The following IFT57 variants were observed in gnomAD, a reference collection of about 807,000 sequenced individuals.
IFT57 encodes intraflagellar transport protein 57 homolog.
In IFT57, 59 loss-of-function variants were observed where a neutral mutation model predicts 56.8. That is an observed-to-expected ratio of 1.04 (90% CI 0.84 to 1.29). The LOEUF (loss-of-function observed/expected upper bound fraction) is 1.29. Ranked by LOEUF, IFT57 falls within the 50% of genes most tolerant of loss-of-function variation. The pLI, the probability that IFT57 is intolerant of heterozygous loss-of-function variation, is 0.00. For missense variants in IFT57, 470 were observed against 522.1 expected, an observed-to-expected ratio of 0.90 and a Z score of 0.97; for synonymous variants, 209 against 186.1, an observed-to-expected ratio of 1.12 and a Z score of -1.00.
At chr3:108,185,412 C>T (rs192367214) in intron 6 of IFT57, among the ~76,000 whole-genome samples, 55 of 152,102 alleles carry the variant, frequency 3.6e-4, no homozygotes, top group Non-Finnish European at 1.0e-4. Context: ...AAGATGAGTT[C>T]CTAGGTGCCA....
intron 4 of IFT57, among the ~76,000 whole-genome samples, chr3:108,209,731 T>A (rs934202153): frequency 6.6e-6 from 1 of 152,220 alleles, no homozygotes; most frequent in Non-Finnish European, 1.5e-5. Flanking sequence ...CTAAAGACAT[T>A]AGTCTTCTCT....
chr3:108,169,625 C>T (rs939269575), intron 6 of IFT57, among the ~76,000 whole-genome samples: 3 of 151,978 alleles, frequency 2.0e-5, no homozygotes, highest in Non-Finnish European at 4.4e-5. Flanking sequence ...TTAGGTTTTA[C>T]ATTTAAGTCT....
intron 6 of IFT57, among the ~76,000 whole-genome samples, chr3:108,181,541 G>C (rs1219147613): frequency 1.3e-5 from 2 of 152,090 alleles, no homozygotes; most frequent in African/African-American, 4.8e-5. Flanking sequence ...TGGCAGTTGA[G>C]TAATCATACA....
At position 108,191,532 on chromosome 3, in the gene IFT57, T is replaced by TTTGATA; in HGVS notation, c.765_766insTATCAA (p.Arg255_Thr256insTyrGln). ...TCCCACTTTGATACCTTATTGTCAG[T>TTTGATA]CCTAATCGTGACTTTCAGTTGCGGT... On this transcript the variant is annotated inframe_insertion, in exon 6 of 11. Transcript: ENST00000264538. 6.2e-7 allele frequency: 1 copy of TTTGATA among 1,605,154 alleles called. No individual in the cohort carries two copies. Among genetic ancestry groups the TTTGATA allele is most frequent in the Non-Finnish European group, 8.5e-7 (1 of 1,175,636 alleles).
Position 108,222,409 on chromosome 3 carries a change from C to G in IFT57, c.-87G>C. 1 of 1,162,502 alleles carries G rather than the reference C, an allele frequency of 8.6e-7. No individual in the cohort carries two copies. The highest frequency in any genetic ancestry group is 1.2e-6 in the Non-Finnish European group (1 of 849,778). The allele number at this position is 1,162,502 out of a possible 1,614,324, so 72.0% of individuals were successfully genotyped here. A position where few individuals can be genotyped will look rare whatever the true frequency, so the allele number is the denominator to read the frequency against. The stretch of plus-strand genomic sequence containing the variant: ...AGCCCTGCCGCCGCCAGTACAGCCA[C>G]GACCGGTTACCAGGCGACCACCGGA... On this transcript the variant is annotated 5_prime_UTR_variant, in exon 1 of 11. Transcript: ENST00000264538.
At chr3:108,166,401 T>A (rs1265089933) in intron 8 of IFT57, among the ~76,000 whole-genome samples, 1 of 152,104 alleles carries the variant, frequency 6.6e-6, no homozygotes, top group Non-Finnish European at 1.5e-5. Context: ...TTAAACTGCT[T>A]GTCTCTGAAT....
chr3:108,162,689 T>A, intron 10 of IFT57, 34 bp from the exon 11 acceptor site: 1 of 1,505,174 alleles, frequency 6.6e-7, no homozygotes, highest in Non-Finnish European at 9.0e-7. Flanking sequence ...ATAAAAATGT[T>A]CATTTGGAGT....
chr3:108,215,282 C>A (rs895391002), intron 3 of IFT57, among the ~76,000 whole-genome samples: 7 of 152,036 alleles, frequency 4.6e-5, no homozygotes, highest in African/African-American at 1.7e-4. Flanking sequence ...TTGTACCTGG[C>A]TGGGTGTGAT....
chr3:108,208,189 C>CT (rs1392350494), intron 4 of IFT57, among the ~76,000 whole-genome samples: 1 of 152,040 alleles, frequency 6.6e-6, no homozygotes, highest in Non-Finnish European at 1.5e-5. Context: ...GTGACATTTA[C>CT]TTTTTTTAGA....
chr3:108,167,238 T>C (rs2080068213), intron 7 of IFT57: 3 of 364,366 alleles, frequency 8.2e-6, no homozygotes, highest in Non-Finnish European at 1.5e-5. Flanking sequence ...CCATAAAATT[T>C]ATGTGACTAT....
chr3:108,196,953 T>G (rs2080247675), intron 5 of IFT57, among the ~76,000 whole-genome samples: 1 of 152,206 alleles, frequency 6.6e-6, no homozygotes. Flanking sequence ...TATAATACTT[T>G]GAGAAAATTT....
At position 108,162,445 on chromosome 3, in the gene IFT57, C is replaced by A; in HGVS notation, c.*32G>T. 2.0e-6 allele frequency: 3 copies of A among 1,530,836 alleles called. No individual in the cohort carries two copies. The highest frequency in any genetic ancestry group is 1.3e-5 in the South Asian group (1 of 79,780). 94.8% of individuals were successfully genotyped at this position (1,530,836 alleles called of 1,614,324 possible). On this transcript the variant is annotated 3_prime_UTR_variant, in exon 11 of 11. Coordinates refer to ENST00000264538, the MANE Select transcript of IFT57 (RefSeq NM_018010.4). ...GAAATATAGTTTGATATAAAAAACC[C>A]AACTAATCAGAAACATGAAAACCAG...
intron 5 of IFT57, among the ~76,000 whole-genome samples, 200 bp from the exon 6 acceptor site, chr3:108,191,843 TA>T (rs2080216831): frequency 6.6e-6 from 1 of 152,082 alleles, no homozygotes; most frequent in East Asian, 1.9e-4. Flanking sequence ...AAATATGTAT[TA>T]AAAAAGAAGC....
intron 5 of IFT57, among the ~76,000 whole-genome samples, chr3:108,201,587 T>C (rs749556510): frequency 7.9e-5 from 12 of 152,084 alleles, no homozygotes; most frequent in Non-Finnish European, 1.8e-4. Flanking sequence ...ATAACACAGA[T>C]AGGAGGCCTA....
chr3:108,191,279 A>T (rs1307462470), intron 6 of IFT57, among the ~76,000 whole-genome samples: 8 of 152,248 alleles, frequency 5.3e-5, no homozygotes, highest in Non-Finnish European at 2.9e-5. Flanking sequence ...ATACCCCTCA[A>T]CACTAGGCAA....
chr3:108,165,564 G>A, intron 8 of IFT57, 71 bp from the exon 9 acceptor site: 1 of 1,189,358 alleles, frequency 8.4e-7, no homozygotes, highest in Admixed American at 1.7e-5. Context: ...TGACCTCTTT[G>A]TGTTTGCAAT....
intron 3 of IFT57, among the ~76,000 whole-genome samples, chr3:108,215,555 C>T (rs1346216653): frequency 6.6e-6 from 1 of 151,696 alleles, no homozygotes; most frequent in African/African-American, 2.4e-5. Flanking sequence ...AAAACCCATG[C>T]CTCAATCATG....
At chr3:108,183,684 C>T (rs2080164064) in intron 6 of IFT57, among the ~76,000 whole-genome samples, 1 of 152,124 alleles carries the variant, frequency 6.6e-6, no homozygotes, top group Non-Finnish European at 1.5e-5. Flanking sequence ...ATACAGTAAG[C>T]TTTGAATAAA....
chr3:108,191,433 T>C, intron 6 of IFT57, 88 bp downstream of exon 6: 1 of 858,184 alleles, frequency 1.2e-6, no homozygotes, highest in Non-Finnish European at 1.7e-6. Context: ...CCTTCTTTAA[T>C]AATTTTTATA....
Sources: allele counts gnomAD v4.1 joint callset (sites outside exome capture counted in the v4.1 genomes callset), GRCh38; gene constraint gnomAD v4.1.1; transcripts MANE v1.5; gene names NCBI Gene and HGNC (gene_info 2026-07-23, HGNC 2026-07-21).